The following HORMAD2 variants were observed in gnomAD, a reference collection of about 807,000 sequenced individuals.
The protein encoded by HORMAD2 is HORMA domain containing 2.
HORMAD2 carries 45 observed loss-of-function variants against 38.8 expected under a neutral mutation model. The observed-to-expected ratio is 1.16, with a 90% CI of 0.91 to 1.49. The LOEUF is 1.49. Ranked by LOEUF, HORMAD2 falls within the 40% of genes most tolerant of loss-of-function variation. The pLI, the probability that HORMAD2 is intolerant of heterozygous loss-of-function variation, is 0.00. For synonymous variants in HORMAD2, 126 were observed against 122.8 expected (o/e 1.03, Z -0.17); for missense variants, 338 against 367.0 (o/e 0.92, Z 0.65).
At chr22:30,155,255 T>G (rs1239707271) in intron 10 of HORMAD2, among the ~76,000 whole-genome samples, 1 of 152,146 alleles carries the variant, frequency 6.6e-6, no homozygotes, top group African/African-American at 2.4e-5. Context: ...ATTTTCCCCT[T>G]TGTAATTAAT....
chr22:30,103,960 A>G (rs971109364), intron 4 of HORMAD2, among the ~76,000 whole-genome samples: 8 of 151,880 alleles, frequency 5.3e-5, no homozygotes, highest in African/African-American at 1.7e-4. Context: ...GCCCTGACCT[A>G]CTTTCCCTCT....
intron 10 of HORMAD2, among the ~76,000 whole-genome samples, chr22:30,141,431 T>A (rs1225828981): frequency 1.3e-5 from 2 of 152,150 alleles, no homozygotes; most frequent in Non-Finnish European, 2.9e-5. Flanking sequence ...GTAAGTTCTT[T>A]AGTTGTGATT....
chr22:30,173,711 G>C (rs573141324), intron 10 of HORMAD2, among the ~76,000 whole-genome samples: 1 of 152,148 alleles, frequency 6.6e-6, no homozygotes, highest in Non-Finnish European at 1.5e-5. Context: ...TAAATGTGGG[G>C]GTCTTTGCTT....
intron 1 of HORMAD2, among the ~76,000 whole-genome samples, chr22:30,088,804 T>C (rs2068630962): frequency 6.6e-6 from 1 of 151,938 alleles, no homozygotes; most frequent in African/African-American, 2.4e-5. Flanking sequence ...ATTTATTGTG[T>C]CTAAGACTAA....
intron 10 of HORMAD2, among the ~76,000 whole-genome samples, chr22:30,174,391 A>G (rs1273334638): frequency 6.6e-6 from 1 of 152,090 alleles, no homozygotes; most frequent in South Asian, 2.1e-4. Context: ...TGGTTTATAT[A>G]GTGTGTATAT....
intron 7 of HORMAD2, among the ~76,000 whole-genome samples, chr22:30,117,422 A>G (rs990883192): frequency 2.0e-5 from 3 of 151,742 alleles, no homozygotes; most frequent in African/African-American, 7.3e-5. Context: ...CTAGATGTTT[A>G]TTTTATTTAT....
At chr22:30,111,148 C>A (rs1198030991) in intron 5 of HORMAD2, among the ~76,000 whole-genome samples, 1 of 115,858 alleles carries the variant, frequency 8.6e-6, no homozygotes, top group African/African-American at 3.0e-5. Flanking sequence ...GAGCAAGACT[C>A]TGTCAAAAAA....
chr22:30,192,182 G>C, the HORMAD2 span: 3 of 152,304 alleles, frequency 2.0e-5, no homozygotes, highest in Non-Finnish European at 2.9e-5. Context: ...CCGATGAAAG[G>C]AAGTCCTGAA....
intron 2 of HORMAD2, among the ~76,000 whole-genome samples, chr22:30,096,818 C>G (rs139396584): frequency 1.8e-4 from 28 of 152,126 alleles, no homozygotes; most frequent in African/African-American, 5.8e-4. Context: ...AACACTTTTT[C>G]ATTTGTTTAT....
intron 10 of HORMAD2, among the ~76,000 whole-genome samples, chr22:30,175,271 T>TATAATATAATATAGAATATATATAATA (rs1926373037): frequency 7.1e-6 from 1 of 139,976 alleles, no homozygotes. Context: ...TATATAATAA[T>TATAATATAATATAGAATATATATAATA]ATATATAATA....
chr22:30,157,923 C>T (rs1246945633), intron 10 of HORMAD2, among the ~76,000 whole-genome samples: 1 of 152,046 alleles, frequency 6.6e-6, no homozygotes, highest in African/African-American at 2.4e-5. Context: ...TAAATACAAC[C>T]AATTTGTGTT....
At chr22:30,201,412 CTTTT>C in the HORMAD2 span, among the ~76,000 whole-genome samples, 1 of 121,084 alleles carries the variant, frequency 8.3e-6, no homozygotes, top group Non-Finnish European at 1.7e-5. Flanking sequence ...AGAGTTAAGA[CTTTT>C]TTTTTTTTTT....
chr22:30,094,893 G>A (rs967147712), intron 2 of HORMAD2, among the ~76,000 whole-genome samples: 9 of 152,130 alleles, frequency 5.9e-5, no homozygotes, highest in African/African-American at 2.2e-4. Context: ...CATGGTAAAA[G>A]CATTGCACTG....
chr22:30,125,373 C>T (rs1319527270), intron 10 of HORMAD2, among the ~76,000 whole-genome samples: 1 of 151,476 alleles, frequency 6.6e-6, no homozygotes, highest in Non-Finnish European at 1.5e-5. Flanking sequence ...GGATTACAGG[C>T]ATGTGCCACC....
At chr22:30,153,785 C>T (rs1279807677) in intron 10 of HORMAD2, among the ~76,000 whole-genome samples, 1 of 152,184 alleles carries the variant, frequency 6.6e-6, no homozygotes, top group East Asian at 1.9e-4. Context: ...TTAGTTGCTT[C>T]AAACCTAAAA....
chr22:30,128,814 G>T (rs1923057133), intron 10 of HORMAD2, among the ~76,000 whole-genome samples: 1 of 152,160 alleles, frequency 6.6e-6, no homozygotes, highest in Non-Finnish European at 1.5e-5. Context: ...TGATTAGGGT[G>T]TTGCAAAAGT....
the HORMAD2 span, among the ~76,000 whole-genome samples, chr22:30,204,337 G>A: frequency 6.6e-6 from 1 of 152,192 alleles, no homozygotes; most frequent in Non-Finnish European, 1.5e-5. Flanking sequence ...CCATGAATAA[G>A]TTTCACAGCC....
At chr22:30,194,974 TGAGGTCAG>T in the HORMAD2 span, among the ~76,000 whole-genome samples, 1 of 151,966 alleles carries the variant, frequency 6.6e-6, no homozygotes, top group African/African-American at 2.4e-5. Flanking sequence ...GGGTGGATTA[TGAGGTCAG>T]GAGATCGAGA....
the HORMAD2 span, among the ~76,000 whole-genome samples, chr22:30,183,180 C>G: frequency 6.6e-6 from 1 of 152,182 alleles, no homozygotes; most frequent in Non-Finnish European, 1.5e-5. Flanking sequence ...ACAGAAAAAT[C>G]AACCAGGAGA....
Sources: allele counts gnomAD v4.1 joint callset (sites outside exome capture counted in the v4.1 genomes callset), GRCh38; gene constraint gnomAD v4.1.1; transcripts MANE v1.5; gene names NCBI Gene and HGNC (gene_info 2026-07-23, HGNC 2026-07-21).